MEIS3: variants seen among roughly 807,000 people sequenced by gnomAD.
MEIS3 encodes the protein homeobox protein Meis3.
Under a neutral mutation model 51.4 loss-of-function variants are expected in MEIS3, and 38 were observed. That is an observed-to-expected ratio of 0.74 (90% CI 0.57 to 0.97). MEIS3 has a LOEUF of 0.97. Ranked by LOEUF, MEIS3 falls within the 50% of genes least tolerant of loss-of-function variation. The probability of loss-of-function intolerance (pLI) is 0.00; values close to 1 mark genes in which losing one functional copy is unlikely to be tolerated. For synonymous variants in MEIS3, 198 were observed against 201.8 expected, an observed-to-expected ratio of 0.98 and a Z score of 0.16; for missense variants, 456 against 502.6, an observed-to-expected ratio of 0.91 and a Z score of 0.89.
chr19:47,417,917 C>A (rs944765595), intron 1 of MEIS3: 2 of 578,288 alleles, frequency 3.5e-6, no homozygotes, highest in South Asian at 2.2e-5. Flanking sequence ...ACCCAAATCC[C>A]CCCCCCCACA....
upstream of MEIS3, among the ~76,000 whole-genome samples, chr19:47,420,769 G>C (rs1337411102): frequency 6.6e-6 from 1 of 151,496 alleles, no homozygotes; most frequent in Non-Finnish European, 1.5e-5. Context: ...AATTGATTGG[G>C]GGAGGATGGA....
At chr19:47,418,745 G>A (rs1011717341) in intron 1 of MEIS3, 25 of 246,246 alleles carry the variant, frequency 1.0e-4, no homozygotes, top group Admixed American at 4.0e-4. Flanking sequence ...GGCAGAAAGA[G>A]GGGGGAGACC....
At chr19:47,415,130 G>T in intron 4 of MEIS3, 29 bp from the exon 5 acceptor site, 1 of 1,055,910 alleles carries the variant, frequency 9.5e-7, no homozygotes, top group Non-Finnish European at 1.3e-6. Context: ...GGTGGGGGGA[G>T]ACAGAGGGAA....
Position 47,407,245 on chromosome 19 carries a change from G to A in MEIS3, c.935+107C>T, listed in dbSNP as rs971484968. 3.4e-6 allele frequency: 5 copies of A among 1,479,634 alleles called. No homozygotes were observed. In the African/African-American group the frequency reaches 5.7e-5, roughly 17 times the overall value. The allele number at this position is 1,479,634 out of a possible 1,614,324, so 91.7% of individuals were successfully genotyped here. A position where few individuals can be genotyped will look rare whatever the true frequency, so the allele number is the denominator to read the frequency against. ...ACAGCGGCGGGGGAGGCAGAGCGGG[G>A]CGAGCAGGGGCAGTGGCTCTGCGGG... On this transcript the variant is annotated intron_variant, in intron 9 of 12. Transcript: ENST00000558555.
intron 11 of MEIS3, 100 bp downstream of exon 11, chr19:47,406,788 C>T (rs1568419276): frequency 8.7e-7 from 1 of 1,143,148 alleles, no homozygotes; most frequent in East Asian, 2.6e-5. Context: ...GCAAGTGACA[C>T]ACTGTATTCC....
At chr19:47,421,904 C>T (rs1350965499), upstream of MEIS3, among the ~76,000 whole-genome samples, 1 of 151,766 alleles carries the variant, frequency 6.6e-6, no homozygotes, top group African/African-American at 2.4e-5. Flanking sequence ...CTCCCTGTCC[C>T]CCCCACCGTA....
At chr19:47,412,960 TC>T (rs1165635234) in intron 6 of MEIS3, among the ~76,000 whole-genome samples, 1 of 151,428 alleles carries the variant, frequency 6.6e-6, no homozygotes, top group Admixed American at 6.6e-5. Flanking sequence ...CACCTCGGCC[TC>T]CCAAAGTACT....
Position 47,407,433 on chromosome 19 carries a change from A to T in MEIS3, c.859-5T>A. ...CTCCTCCGAGGGGTACGGGTGCTGCAGCCACCAGCAAGAGTCACTCTGCCT... is the reference window on the plus strand; with the variant it reads ...CTCCTCCGAGGGGTACGGGTGCTGCTGCCACCAGCAAGAGTCACTCTGCCT... On this transcript the variant is annotated splice_region_variant and splice_polypyrimidine_tract_variant and intron_variant, in intron 8 of 12. Coordinates refer to ENST00000558555, the MANE Select transcript of MEIS3 (RefSeq NM_001301059.2). 2 of 1,613,830 alleles carry T rather than the reference A, an allele frequency of 1.2e-6. No homozygotes were observed. The highest frequency in any genetic ancestry group is 1.7e-6 in the Non-Finnish European group (2 of 1,179,904).
At chr19:47,422,092 T>C (rs1971728150), upstream of MEIS3, among the ~76,000 whole-genome samples, 2 of 151,406 alleles carry the variant, frequency 1.3e-5, no homozygotes, top group Non-Finnish European at 2.9e-5. Flanking sequence ...GGCCACGCCA[T>C]CCATCACCCG....
At chr19:47,410,383 G>T (rs1203797400) in intron 6 of MEIS3, among the ~76,000 whole-genome samples, 3 of 147,552 alleles carry the variant, frequency 2.0e-5, no homozygotes, top group Admixed American at 6.7e-5. Context: ...GGGAGGGGGA[G>T]GTTGCAGTGA....
intron 6 of MEIS3, among the ~76,000 whole-genome samples, chr19:47,412,715 C>G (rs1315396540): frequency 6.6e-6 from 1 of 152,142 alleles, no homozygotes; most frequent in Non-Finnish European, 1.5e-5. Context: ...GTGCGTGCCA[C>G]CACGCCTGTC....
intron 1 of MEIS3, chr19:47,417,560 G>A (rs1032820164): frequency 5.6e-6 from 4 of 711,780 alleles, no homozygotes; most frequent in Non-Finnish European, 1.0e-5. Context: ...CCCCGTCCAG[G>A]CAGAGATTCC....
intron 4 of MEIS3, among the ~76,000 whole-genome samples, 183 bp from the exon 5 acceptor site, chr19:47,415,284 A>G (rs565916395): frequency 6.6e-6 from 1 of 152,226 alleles, no homozygotes; most frequent in South Asian, 2.1e-4. Flanking sequence ...AGGGGGAAAG[A>G]GAGAACAGAG....
chr19:47,411,914 GCT>G (rs1383600881), intron 6 of MEIS3, among the ~76,000 whole-genome samples: 3 of 151,618 alleles, frequency 2.0e-5, no homozygotes, highest in Non-Finnish European at 4.4e-5. Flanking sequence ...TGCAATCTTA[GCT>G]CTCTGCAGCT....
At chr19:47,417,621 G>C in intron 1 of MEIS3, 1 of 703,058 alleles carries the variant, frequency 1.4e-6, no homozygotes. Flanking sequence ...GTCTGGCTGG[G>C]AGGGAAAAGA....
At chr19:47,405,562 A>AT (rs769408624) in intron 12 of MEIS3, among the ~76,000 whole-genome samples, 7,428 of 135,662 alleles carry the variant, frequency 0.055, 286 homozygotes, top group African/African-American at 0.1. Context: ...TGAGGGCTCA[A>AT]TTTTTTTTTT....
chr19:47,409,666 A>T lies in MEIS3; in HGVS notation c.598-119T>A, dbSNP rs1971031725. ...ATCACAAGGTCAAGAGATCAAGACC[A>T]TCATGGCTAACATGGTGAAACCCCG... On this transcript the variant is annotated intron_variant, in intron 6 of 12. Coordinates refer to ENST00000558555, the MANE Select transcript of MEIS3 (RefSeq NM_001301059.2). 4.7e-6 allele frequency: 3 copies of T among 638,928 alleles called. No individual in the cohort carries two copies. In the South Asian group the frequency reaches 5.2e-5, roughly 11 times the overall value. 39.6% of individuals were successfully genotyped at this position (638,928 alleles called of 1,614,324 possible). A position where few individuals can be genotyped will look rare whatever the true frequency, so the allele number is the denominator to read the frequency against.
At chr19:47,409,627 G>T (rs1599807761) in intron 6 of MEIS3, 80 bp from the exon 7 acceptor site, 2 of 897,898 alleles carry the variant, frequency 2.2e-6, no homozygotes, top group East Asian at 5.1e-5. Context: ...ACTTTGGGAG[G>T]CCAAGGCAGG....
chr19:47,409,508 C>G lies in MEIS3; in HGVS notation c.637G>C (p.Val213Leu). The change falls in exon 7 of 13, where the codon GTA becomes CTA. Residue 213 changes from valine to leucine, a missense_variant. Transcript: ENST00000558555. The part of the protein sequence containing the change: ...WIRDHEDSGS[V>L]HLGTPGPSSG... ...GATGGACCTGGGGTCCCCAAATGTA[C>G]AGACCCACTATCCTCATGGTCTCGA... 2 of 1,614,098 alleles carry G rather than the reference C, an allele frequency of 1.2e-6. No individual in the cohort carries two copies. Among genetic ancestry groups the G allele is most frequent in the Non-Finnish European group, 1.7e-6 (2 of 1,179,932 alleles).
Sources: allele counts gnomAD v4.1 joint callset (sites outside exome capture counted in the v4.1 genomes callset), GRCh38; gene constraint gnomAD v4.1.1; transcripts MANE v1.5; gene names NCBI Gene and HGNC (gene_info 2026-07-23, HGNC 2026-07-21).